The following LPCAT3 variants were observed in gnomAD, a reference collection of about 807,000 sequenced individuals.
LPCAT3 encodes lysophosphatidylcholine acyltransferase 3.
LPCAT3 carries 21 observed loss-of-function variants against 63.4 expected under a neutral mutation model. The observed-to-expected ratio is 0.33, with a 90% CI of 0.23 to 0.48. The LOEUF (loss-of-function observed/expected upper bound fraction) is 0.48, where lower values mean the gene tolerates loss of function less well. Among genes scored for constraint, LPCAT3 ranks in the 20% least tolerant of loss-of-function variants. The probability of loss-of-function intolerance (pLI) is 0.99; values close to 1 mark genes in which losing one functional copy is unlikely to be tolerated. For synonymous variants in LPCAT3, 242 were observed against 227.5 expected (o/e 1.06, Z -0.58); for missense variants, 451 against 590.6 (o/e 0.76, Z 2.45).
At chr12:6,978,212 T>G in intron 9 of LPCAT3, 129 bp downstream of exon 9, 6 of 1,101,388 alleles carry the variant, frequency 5.4e-6, no homozygotes, top group South Asian at 1.6e-5. Flanking sequence ...TCAAAGTCAG[T>G]GTGAGCGACA....
intron 6 of LPCAT3, among the ~76,000 whole-genome samples, chr12:6,980,384 A>G (rs1382691020): frequency 1.3e-5 from 2 of 151,834 alleles, no homozygotes; most frequent in African/African-American, 4.8e-5. Context: ...GGATTTTGCT[A>G]TGTTGCCCAG....
chr12:6,987,959 C>T lies in LPCAT3; in HGVS notation c.152-4420G>A, dbSNP rs1479209712. On this transcript the variant is annotated intron_variant, in intron 1 of 12. Coordinates refer to ENST00000261407, the MANE Select transcript of LPCAT3 (RefSeq NM_005768.6). The surrounding 1 kb of genome is among the most constrained non-coding windows in gnomAD (Gnocchi z 4.1). ...TTGCTACTCTGGGATCAACAGTCAC[C>T]TCTTGAACTTTTGGGGTGCTTGGCA... 1.3e-5 allele frequency: 5 copies of T among 397,718 alleles called. No homozygotes were observed. The highest frequency in any genetic ancestry group is 1.0e-4 in the African/African-American group (5 of 48,594). The allele number at this position is 397,718 out of a possible 1,614,324, so 24.6% of individuals were successfully genotyped here. A position where few individuals can be genotyped will look rare whatever the true frequency, so the allele number is the denominator to read the frequency against.
chr12:7,001,245 T>C (rs1312330280), intron 1 of LPCAT3, among the ~76,000 whole-genome samples: 14 of 126,278 alleles, frequency 1.1e-4, no homozygotes, highest in Non-Finnish European at 2.2e-4. Context: ...CTCTGGGGGG[T>C]GGGGTGGGGG....
chr12:7,006,739 G>A (rs1190583116), intron 1 of LPCAT3, among the ~76,000 whole-genome samples: 4 of 152,128 alleles, frequency 2.6e-5, no homozygotes, highest in Admixed American at 1.3e-4. Context: ...TTCCACTTCT[G>A]ACTGAGGGAT....
chr12:7,016,673 C>T (rs988407434), intron 1 of LPCAT3, among the ~76,000 whole-genome samples: 3 of 152,206 alleles, frequency 2.0e-5, no homozygotes, highest in South Asian at 2.1e-4. Context: ...AAGCATAAGC[C>T]GCTGCGTCCT....
chr12:6,989,822 A>G (rs1946570647), intron 1 of LPCAT3, among the ~76,000 whole-genome samples: 1 of 152,128 alleles, frequency 6.6e-6, no homozygotes, highest in East Asian at 1.9e-4. Context: ...ATTACTTATT[A>G]ATCCTAAAGT....
At chr12:6,988,580 T>C (rs1177127516) in intron 1 of LPCAT3, among the ~76,000 whole-genome samples, 1 of 152,148 alleles carries the variant, frequency 6.6e-6, no homozygotes, top group Non-Finnish European at 1.5e-5. Flanking sequence ...TGGCTAGAGT[T>C]ACCTGAAGAA....
At position 7,010,936 on chromosome 12, in the gene LPCAT3, C is replaced by G. The variant is rs782306910; in HGVS notation, c.151+7338G>C. On this transcript the variant is annotated intron_variant, in intron 1 of 12. Coordinates refer to ENST00000261407, the MANE Select transcript of LPCAT3 (RefSeq NM_005768.6). ...CACTGCAGTCTCAAATTCCTGGGCT[C>G]AAATGATCCTCCCACCTTGGTCTCC... 5.2e-4 allele frequency among the ~76,000 whole-genome samples: 79 copies of G among 152,290 alleles called. No individual in the cohort carries two copies. In the Middle Eastern group the frequency reaches 0.024, roughly 46 times the overall value.
rs782094965 is a variant in LPCAT3, at chr12:6,979,416, G to C, written c.786+55C>G. 1.2e-5 allele frequency: 16 copies of C among 1,306,266 alleles called. No homozygotes were observed. The African/African-American group carries it at 2.2e-4, about 18-fold the overall frequency. The allele number at this position is 1,306,266 out of a possible 1,614,324, so 80.9% of individuals were successfully genotyped here. A position where few individuals can be genotyped will look rare whatever the true frequency, so the allele number is the denominator to read the frequency against. On this transcript the variant is annotated intron_variant, in intron 7 of 12. Coordinates refer to ENST00000261407, the MANE Select transcript of LPCAT3 (RefSeq NM_005768.6). ...CTGCTATCTGTAGGGATCCTTGCCT[G>C]TCCATTTTCTAGCTCTGGTGCAGTC...
rs1398846230 is a variant in LPCAT3 at position 6,979,667 on chromosome 12, T to G, written c.678-88A>C. 6 of 901,716 alleles carry G rather than the reference T, an allele frequency of 6.7e-6. No individual in the cohort carries two copies. The African/African-American group carries it at 8.2e-5, about 12-fold the overall frequency. The allele number at this position is 901,716 out of a possible 1,614,324, so 55.9% of individuals were successfully genotyped here. A position where few individuals can be genotyped will look rare whatever the true frequency, so the allele number is the denominator to read the frequency against. On this transcript the variant is annotated intron_variant, in intron 6 of 12. Transcript: ENST00000261407. ...ACCTTCAGTTATGGAGAGGAGTGTT[T>G]AGGGGTGTGGTTGTCTACCTGGAAT...
intron 1 of LPCAT3, among the ~76,000 whole-genome samples, chr12:6,998,807 T>C (rs1050295704): frequency 1.3e-5 from 2 of 152,216 alleles, no homozygotes; most frequent in Admixed American, 6.5e-5. Flanking sequence ...TGCTGAACAG[T>C]TATTCATGAA....
At chr12:6,997,012 A>G (rs1480695569) in intron 1 of LPCAT3, among the ~76,000 whole-genome samples, 4 of 107,232 alleles carry the variant, frequency 3.7e-5, no homozygotes, top group South Asian at 2.5e-4. Flanking sequence ...ATAAATGGGA[A>G]AAAAAAAATC....
rs1333256051 is a variant in LPCAT3 at position 6,987,554 on chromosome 12, A to G, written c.152-4015T>C. ...TAGAAAGTATATAGACTAAATGTCA[A>G]TGCCTTCAATCTTTTGCTTTATTTT... On this transcript the variant is annotated intron_variant, in intron 1 of 12. Coordinates refer to ENST00000261407, the MANE Select transcript of LPCAT3 (RefSeq NM_005768.6). The surrounding 1 kb of genome is among the most constrained non-coding windows in gnomAD (Gnocchi z 4.1). Among the ~76,000 whole-genome samples, 1 of 152,238 alleles carries G rather than the reference A, an allele frequency of 6.6e-6. No homozygotes were observed. The highest frequency in any genetic ancestry group is 1.5e-5 in the Non-Finnish European group (1 of 68,048).
chr12:6,980,309 T>C (rs1242365029), intron 6 of LPCAT3, among the ~76,000 whole-genome samples: 1 of 151,662 alleles, frequency 6.6e-6, no homozygotes, highest in African/African-American at 2.4e-5. Context: ...TCCCAGAGCG[T>C]TGGCATTACA....
intron 1 of LPCAT3, among the ~76,000 whole-genome samples, chr12:7,003,023 A>G (rs1489762573): frequency 2.0e-5 from 3 of 152,182 alleles, no homozygotes; most frequent in African/African-American, 7.2e-5. Context: ...AAAGAAAAAA[A>G]AAATTTCTAA....
At position 7,017,941 on chromosome 12, in the gene LPCAT3, G is replaced by C. The variant is rs1946806380; in HGVS notation, c.151+333C>G. ...TATTAATGACAGAGCAGGACACATG[G>C]CCAGACAGTGGAACTCAACAGAGCG... On this transcript the variant is annotated intron_variant, in intron 1 of 12. Transcript: ENST00000261407. The surrounding 1 kb of genome is among the most constrained non-coding windows in gnomAD (Gnocchi z 4.1). 2.0e-5 allele frequency among the ~76,000 whole-genome samples: 3 copies of C among 152,238 alleles called. No homozygotes were observed.
In LPCAT3 at chr12:6,978,480, C is replaced by T; in HGVS notation, c.901G>A (p.Gly301Ser). The change falls in exon 9 of 13, where the codon GGC becomes AGC. Residue 301 changes from glycine to serine, a missense_variant. Physicochemically the swap from Gly to Ser is moderately conservative, Grantham distance 56. Around this residue, in one of 3 missense-constraint regions of LPCAT3, gnomAD observed 304 missense variants for 390.8 expected, o/e 0.78. Transcript: ENST00000261407. ...CCCTTTTCTTCAAAGCCATTGAAGC[C>T]CAGGCCCGTCAAAATGCATACTCCT... ...TEGVCILTGLGFNGFEEKGKA... is the reference protein window; with the variant it reads ...TEGVCILTGLSFNGFEEKGKA... 1 of 1,613,798 alleles carries T rather than the reference C, an allele frequency of 6.2e-7. No homozygotes were observed. Among genetic ancestry groups the T allele is most frequent in the Non-Finnish European group, 8.5e-7 (1 of 1,179,758 alleles).
chr12:6,990,916 C>CAAAAAAA (rs59031613), intron 1 of LPCAT3, among the ~76,000 whole-genome samples: 2 of 68,136 alleles, frequency 2.9e-5, no homozygotes, highest in African/African-American at 3.8e-5. Context: ...GACTCCAAAT[C>CAAAAAAA]AAAAAAAAAA....
intron 1 of LPCAT3, among the ~76,000 whole-genome samples, chr12:7,000,999 G>A (rs1407663830): frequency 2.0e-5 from 3 of 152,056 alleles, no homozygotes; most frequent in Non-Finnish European, 2.9e-5. Flanking sequence ...GAGCCACTGC[G>A]CCCGGCCGAA....
Sources: allele counts gnomAD v4.1 joint callset (sites outside exome capture counted in the v4.1 genomes callset), GRCh38; gene constraint gnomAD v4.1.1; regional missense constraint gnomAD v4.1.1; non-coding constraint Gnocchi (gnomAD v3.1); transcripts MANE v1.5; gene names NCBI Gene and HGNC (gene_info 2026-07-23, HGNC 2026-07-21).